Variants in GALNT13 observed in about 807,000 individuals in gnomAD.
GALNT13 encodes polypeptide N-acetylgalactosaminyltransferase 13.
Under a neutral mutation model 64.2 loss-of-function variants are expected in GALNT13, and 28 were observed. The ratio of observed to expected loss-of-function variants is 0.44; its 90% CI spans 0.32 to 0.60. The LOEUF (loss-of-function observed/expected upper bound fraction) is 0.60. Among genes scored for constraint, GALNT13 ranks in the 20% least tolerant of loss-of-function variants. The pLI, the probability that GALNT13 is intolerant of heterozygous loss-of-function variation, is 0.05. For missense variants in GALNT13, 577 were observed against 669.8 expected, an observed-to-expected ratio of 0.86 and a Z score of 1.53; for synonymous variants, 214 against 224.6, an observed-to-expected ratio of 0.95 and a Z score of 0.42.
chr2:154,142,673 A>T (rs1250836656), intron 4 of GALNT13, among the ~76,000 whole-genome samples: 2 of 151,682 alleles, frequency 1.3e-5, no homozygotes, highest in African/African-American at 4.8e-5. Context: ...CAACCATTGT[A>T]TACTTTTGAA....
the GALNT13 span, among the ~76,000 whole-genome samples, chr2:153,692,599 TG>T: frequency 6.6e-6 from 1 of 152,198 alleles, no homozygotes; most frequent in Non-Finnish European, 1.5e-5. Context: ...AGACAGTTAT[TG>T]ATCTGGTGAA....
chr2:153,621,698 A>T, the GALNT13 span, among the ~76,000 whole-genome samples: 1 of 152,068 alleles, frequency 6.6e-6, no homozygotes, highest in Admixed American at 6.6e-5. Context: ...ACCTTTCCAA[A>T]GGCAGAGGAG....
chr2:153,427,417 T>G, the GALNT13 span, among the ~76,000 whole-genome samples: 5 of 152,102 alleles, frequency 3.3e-5, no homozygotes, highest in Admixed American at 3.3e-4. Context: ...GATGAAACTT[T>G]TAGAAAAGCA....
the GALNT13 span, among the ~76,000 whole-genome samples, chr2:153,394,243 G>A: frequency 6.6e-6 from 1 of 152,062 alleles, no homozygotes; most frequent in African/African-American, 2.4e-5. Context: ...CTTAATTTTT[G>A]TAAACCTCTA....
At chr2:153,350,526 G>T in the GALNT13 span, among the ~76,000 whole-genome samples, 1 of 151,816 alleles carries the variant, frequency 6.6e-6, no homozygotes, top group Non-Finnish European at 1.5e-5. Flanking sequence ...GGGACTACAG[G>T]CATCCGCCAC....
intron 9 of GALNT13, among the ~76,000 whole-genome samples, chr2:154,348,459 G>A (rs1208355955): frequency 2.0e-5 from 3 of 151,918 alleles, no homozygotes; most frequent in Non-Finnish European, 4.4e-5. Flanking sequence ...CTTTCTATTA[G>A]TCAGAGATTA....
At chr2:153,950,998 C>G (rs1182806081) in intron 3 of GALNT13, among the ~76,000 whole-genome samples, 1 of 151,782 alleles carries the variant, frequency 6.6e-6, no homozygotes, top group African/African-American at 2.4e-5. Flanking sequence ...CTAAAAGTAA[C>G]TAAAATTTAA....
At chr2:154,415,073 G>A (rs1158041416) in intron 11 of GALNT13, among the ~76,000 whole-genome samples, 1 of 150,690 alleles carries the variant, frequency 6.6e-6, no homozygotes, top group Non-Finnish European at 1.5e-5. Flanking sequence ...GCTAAGGCAG[G>A]AAGATCTCTT....
At chr2:153,608,153 C>A in the GALNT13 span, among the ~76,000 whole-genome samples, 1 of 145,726 alleles carries the variant, frequency 6.9e-6, no homozygotes, top group Non-Finnish European at 1.5e-5. Flanking sequence ...TTGTCAGTGA[C>A]AACTCCCTGC....
the GALNT13 span, among the ~76,000 whole-genome samples, chr2:153,573,834 T>C: frequency 2.0e-5 from 3 of 152,070 alleles, no homozygotes; most frequent in Non-Finnish European, 2.9e-5. Flanking sequence ...TTTTGATTGG[T>C]TCATTGTTTT....
chr2:153,240,153 T>C, the GALNT13 span, among the ~76,000 whole-genome samples: 2 of 152,224 alleles, frequency 1.3e-5, no homozygotes, highest in Admixed American at 1.3e-4. Context: ...ACTTCTGTTT[T>C]GTGAGTTGTA....
chr2:153,965,276 C>T (rs1396384367), intron 3 of GALNT13, among the ~76,000 whole-genome samples: 1 of 152,052 alleles, frequency 6.6e-6, no homozygotes, highest in Non-Finnish European at 1.5e-5. Flanking sequence ...TCCTATTGTA[C>T]TACCAAACAC....
At chr2:153,270,784 C>T in the GALNT13 span, among the ~76,000 whole-genome samples, 47,130 of 151,822 alleles carry the variant, frequency 0.31, 7,747 homozygotes, top group African/African-American at 0.41. Context: ...CTTGGGAGGT[C>T]GAGGCTGCAA....
At chr2:154,060,528 G>A (rs1700122431) in intron 3 of GALNT13, among the ~76,000 whole-genome samples, 1 of 151,930 alleles carries the variant, frequency 6.6e-6, no homozygotes, top group Non-Finnish European at 1.5e-5. Flanking sequence ...GCTAATTTTT[G>A]TGTTTTTAAT....
chr2:153,623,280 C>T, the GALNT13 span, among the ~76,000 whole-genome samples: 18 of 152,096 alleles, frequency 1.2e-4, no homozygotes, highest in African/African-American at 3.6e-4. Context: ...CCTCAACGTG[C>T]TTTCCCTCAT....
the GALNT13 span, among the ~76,000 whole-genome samples, chr2:153,371,412 C>T: frequency 6.6e-6 from 1 of 152,006 alleles, no homozygotes; most frequent in Non-Finnish European, 1.5e-5. Context: ...TGGTTGTCTG[C>T]ATAGAAAGTC....
At chr2:153,116,323 G>T in the GALNT13 span, among the ~76,000 whole-genome samples, 1 of 152,130 alleles carries the variant, frequency 6.6e-6, no homozygotes, top group Non-Finnish European at 1.5e-5. Flanking sequence ...AAGTAAATGA[G>T]ACTGATTTTT....
At chr2:154,185,891 G>T (rs1686223713) in intron 4 of GALNT13, among the ~76,000 whole-genome samples, 1 of 151,808 alleles carries the variant, frequency 6.6e-6, no homozygotes, top group Admixed American at 6.6e-5. Flanking sequence ...TAGTTCAAAT[G>T]GATATTTTCA....
the GALNT13 span, among the ~76,000 whole-genome samples, chr2:153,183,625 C>G: frequency 6.6e-6 from 1 of 152,066 alleles, no homozygotes; most frequent in African/African-American, 2.4e-5. Context: ...AGTCTTTAAT[C>G]CATCTTGGTT....
Sources: allele counts gnomAD v4.1 joint callset (sites outside exome capture counted in the v4.1 genomes callset), GRCh38; gene constraint gnomAD v4.1.1; transcripts MANE v1.5; gene names NCBI Gene and HGNC (gene_info 2026-07-23, HGNC 2026-07-21).